Variants in LEPR observed in about 807,000 individuals in gnomAD.
LEPR encodes the protein OB receptor.
LEPR carries 56 observed loss-of-function variants against 114.7 expected under a neutral mutation model. The observed-to-expected ratio is 0.49, with a 90% CI of 0.39 to 0.61. LEPR has a LOEUF of 0.61. Among genes scored for constraint, LEPR ranks in the 20% least tolerant of loss-of-function variants. The probability of loss-of-function intolerance (pLI) is 0.00; values close to 1 mark genes in which losing one functional copy is unlikely to be tolerated. For missense variants in LEPR, 1,202 were observed against 1,352.9 expected, an observed-to-expected ratio of 0.89 and a Z score of 1.75; for synonymous variants, 443 against 461.4, an observed-to-expected ratio of 0.96 and a Z score of 0.51.
In LEPR at chr1:65,608,624, TAATG is replaced by T. The variant is rs1297036162; in HGVS notation, c.1604-127_1604-124del. 9.4e-5 allele frequency: 100 copies of T among 1,065,058 alleles called. 1 individual carries two copies. The East Asian group carries it at 2.5e-3, about 27-fold the overall frequency. 66.0% of individuals were successfully genotyped at this position (1,065,058 alleles called of 1,614,324 possible). A position where few individuals can be genotyped will look rare whatever the true frequency, so the allele number is the denominator to read the frequency against. ...TAAAGTAATAGGGAAACAAATGAGATAATGAGTGAGAAAGTTATGAAGAAGATAT... is the reference window on the plus strand; with the variant it reads ...TAAAGTAATAGGGAAACAAATGAGATAGTGAGAAAGTTATGAAGAAGATAT... On this transcript the variant is annotated intron_variant, in intron 11 of 19. Transcript: ENST00000349533.
At chr1:65,459,799 G>T (rs1646921831) in intron 2 of LEPR, among the ~76,000 whole-genome samples, 1 of 152,098 alleles carries the variant, frequency 6.6e-6, no homozygotes, top group Admixed American at 6.5e-5. Flanking sequence ...GGTCCACCCT[G>T]CCTACTTTCC....
intron 2 of LEPR, chr1:65,431,659 C>A (rs1646486039): frequency 4.1e-6 from 3 of 740,350 alleles, no homozygotes; most frequent in Admixed American, 3.0e-5. Context: ...CTGAACAGTT[C>A]ATTGTCTCCT....
At chr1:65,426,878 T>C (rs915964318) in intron 2 of LEPR, among the ~76,000 whole-genome samples, 2 of 151,946 alleles carry the variant, frequency 1.3e-5, no homozygotes, top group Non-Finnish European at 2.9e-5. Context: ...CACGCCTGTA[T>C]TCCCAGCTAC....
At chr1:65,583,715 T>A (rs1345812210) in intron 5 of LEPR, among the ~76,000 whole-genome samples, 2 of 151,860 alleles carry the variant, frequency 1.3e-5, no homozygotes, top group African/African-American at 4.8e-5. Flanking sequence ...AGTAAACACA[T>A]GCTAGATATA....
At chr1:65,619,097 G>A (rs1179093239) in intron 16 of LEPR, among the ~76,000 whole-genome samples, 1 of 152,110 alleles carries the variant, frequency 6.6e-6, no homozygotes, top group African/African-American at 2.4e-5. Flanking sequence ...GGGAAGCTAA[G>A]GATTGCTATG....
intron 2 of LEPR, chr1:65,435,437 G>C: frequency 1.8e-6 from 1 of 571,296 alleles, no homozygotes; most frequent in Non-Finnish European, 2.2e-6. Context: ...GTGCGATCTT[G>C]GCTCACTGCA....
At chr1:65,511,523 A>G (rs1649037678) in intron 2 of LEPR, among the ~76,000 whole-genome samples, 2 of 152,030 alleles carry the variant, frequency 1.3e-5, no homozygotes, top group South Asian at 4.1e-4. Flanking sequence ...ACATTGCCCC[A>G]TTCATTAATT....
chr1:65,481,828 A>G (rs1647248947), intron 2 of LEPR, among the ~76,000 whole-genome samples: 1 of 150,952 alleles, frequency 6.6e-6, no homozygotes, highest in Non-Finnish European at 1.5e-5. Context: ...TTACTAAAAA[A>G]AAAAAAACAC....
At chr1:65,482,936 C>T (rs553676528) in intron 2 of LEPR, among the ~76,000 whole-genome samples, 1 of 148,904 alleles carries the variant, frequency 6.7e-6, no homozygotes, top group African/African-American at 2.5e-5. Flanking sequence ...TGCAGTGAGC[C>T]GAGATTGTGC....
rs1557669750 is a variant in LEPR at position 65,571,142 on chromosome 1, GAAT to G, written c.370+350_370+352del. On this transcript the variant is annotated intron_variant, in intron 4 of 19. Coordinates refer to ENST00000349533, the MANE Select transcript of LEPR (RefSeq NM_002303.6). Reference sequence around the variant, plus strand: ...ATTGGTTAAATTTTAAAATATTCATGAATAATAATAATTCTTCAGGCAAGGAAT... The same window carrying G: ...ATTGGTTAAATTTTAAAATATTCATGAATAATAATTCTTCAGGCAAGGAAT... Among the ~76,000 whole-genome samples, 6 of 152,152 alleles carry G rather than the reference GAAT, an allele frequency of 3.9e-5. No homozygotes were observed. The South Asian group carries it at 1.0e-3, about 26-fold the overall frequency.
chr1:65,553,301 G>T (rs1341335063), intron 2 of LEPR, among the ~76,000 whole-genome samples: 1 of 152,146 alleles, frequency 6.6e-6, no homozygotes, highest in Non-Finnish European at 1.5e-5. Flanking sequence ...ATAATATCCT[G>T]CAGAGTGTTT....
At chr1:65,607,162 A>G (rs1656866979) in intron 11 of LEPR, among the ~76,000 whole-genome samples, 1 of 152,094 alleles carries the variant, frequency 6.6e-6, no homozygotes, top group Non-Finnish European at 1.5e-5. Context: ...GAGTGTCTAC[A>G]TTTGGCCTTA....
At chr1:65,575,845 CAAGAAATTCCTTAATA>C (rs1654547583) in intron 5 of LEPR, among the ~76,000 whole-genome samples, 1 of 151,382 alleles carries the variant, frequency 6.6e-6, no homozygotes, top group Non-Finnish European at 1.5e-5. Context: ...CTTCTATAAG[CAAGAAATTCCTTAATA>C]GAAGCTCAGA....
intron 12 of LEPR, 124 bp downstream of exon 12, chr1:65,609,025 T>C: frequency 8.0e-7 from 1 of 1,253,524 alleles, no homozygotes; most frequent in South Asian, 1.5e-5. Context: ...GTGTAGCTAT[T>C]TTCATTAAAT....
At position 65,565,416 on chromosome 1, in the gene LEPR, G is replaced by A. The variant is rs1653665426; in HGVS notation, c.-20-130G>A. 3.7e-6 allele frequency: 3 copies of A among 818,634 alleles called. No individual in the cohort carries two copies. The Admixed American group carries it at 7.1e-5, about 20-fold the overall frequency. 50.7% of individuals were successfully genotyped at this position (818,634 alleles called of 1,614,324 possible). Reference sequence around the variant, plus strand: ...TTACGTGAGATATTTCTCAGATATTGATCTAGAGTATCACATGTAAATTTA... The same window carrying A: ...TTACGTGAGATATTTCTCAGATATTAATCTAGAGTATCACATGTAAATTTA... On this transcript the variant is annotated intron_variant, in intron 2 of 19. Coordinates refer to ENST00000349533, the MANE Select transcript of LEPR (RefSeq NM_002303.6).
At chr1:65,574,926 C>A (rs1035590881) in intron 5 of LEPR, among the ~76,000 whole-genome samples, 1 of 151,992 alleles carries the variant, frequency 6.6e-6, no homozygotes, top group African/African-American at 2.4e-5. Flanking sequence ...GGAGAGGTTG[C>A]CAGAACAAAG....
chr1:65,467,077 AAG>A (rs1238930552), intron 2 of LEPR, among the ~76,000 whole-genome samples: 2 of 152,096 alleles, frequency 1.3e-5, no homozygotes, highest in Non-Finnish European at 2.9e-5. Context: ...CCTTGCTGGC[AAG>A]GAGTTATGTT....
At chr1:65,619,821 A>G (rs1247055166) in intron 16 of LEPR, 107 bp from the exon 17 acceptor site, 4 of 906,580 alleles carry the variant, frequency 4.4e-6, no homozygotes, top group East Asian at 2.7e-5. Context: ...AGTAATTTCT[A>G]TGTTTGGAAA....
intron 8 of LEPR, 130 bp downstream of exon 8, chr1:65,598,934 T>A: frequency 7.1e-7 from 1 of 1,400,130 alleles, no homozygotes; most frequent in African/African-American, 1.4e-5. Flanking sequence ...CTTCCTTGTT[T>A]AAACTTTGAA....
Sources: gnomAD v4.1 joint callset for allele counts (sites outside exome capture counted in the v4.1 genomes callset) on GRCh38, gnomAD v4.1.1 for gene constraint, MANE v1.5 for transcripts, NCBI Gene and HGNC (gene_info 2026-07-23, HGNC 2026-07-21) for gene names.